The following CELF4 variants were observed in gnomAD, a reference collection of about 807,000 sequenced individuals.
CELF4 encodes CUG-BP- and ETR-3-like factor 4.
A neutral mutation model predicts 59.9 loss-of-function variants in CELF4; 18 were observed. The ratio of observed to expected loss-of-function variants is 0.30; its 90% CI spans 0.21 to 0.45. The LOEUF (loss-of-function observed/expected upper bound fraction) is 0.45, where lower values mean the gene tolerates loss of function less well. CELF4 is among the 20% of genes least tolerant of loss of function. The pLI is 1.00. For synonymous variants in CELF4, 261 were observed against 267.1 expected (o/e 0.98, Z 0.22); for missense variants, 456 against 689.0 (o/e 0.66, Z 3.79).
In CELF4 at chr18:37,336,695, C is replaced by T. The variant is rs115013082; in HGVS notation, c.370-14814G>A. On this transcript the variant is annotated intron_variant, in intron 2 of 12. Coordinates refer to ENST00000420428, the MANE Select transcript of CELF4 (RefSeq NM_020180.4). The stretch of plus-strand genomic sequence containing the variant: ...AGGGATGGGATGTGGCCTCCTGAGG[C>T]GGCCACCAGCAGATCATCTCCTTAA... Among the ~76,000 whole-genome samples, 1,127 of 152,238 alleles carry T rather than the reference C, an allele frequency of 7.4e-3. 7 individuals carry two copies. The highest frequency in any genetic ancestry group is 0.011 in the African/African-American group (445 of 41,546).
chr18:37,478,808 A>G (rs1440768380), intron 2 of CELF4, among the ~76,000 whole-genome samples: 2 of 152,144 alleles, frequency 1.3e-5, no homozygotes, highest in African/African-American at 4.8e-5. Flanking sequence ...TCTCTCTTGG[A>G]ACCTTGGTGT....
At chr18:37,391,947 A>T (rs1040015921) in intron 2 of CELF4, among the ~76,000 whole-genome samples, 2 of 152,186 alleles carry the variant, frequency 1.3e-5, no homozygotes, top group Non-Finnish European at 2.9e-5. Flanking sequence ...GAAAGCCTGG[A>T]TCCAAGGCAC....
At chr18:37,272,452 G>C (rs1315435185) in intron 7 of CELF4, among the ~76,000 whole-genome samples, 1 of 151,484 alleles carries the variant, frequency 6.6e-6, no homozygotes, top group Non-Finnish European at 1.5e-5. Context: ...TCAAAAACAT[G>C]ATTTGTGAGC....
chr18:37,550,455 C>T (rs890566197), intron 1 of CELF4, among the ~76,000 whole-genome samples: 1 of 152,216 alleles, frequency 6.6e-6, no homozygotes, highest in Non-Finnish European at 1.5e-5. Flanking sequence ...GAGCATGAAC[C>T]AAGAAGCCCC....
chr18:37,380,081 G>A (rs371228112), intron 2 of CELF4, among the ~76,000 whole-genome samples: 7 of 152,028 alleles, frequency 4.6e-5, no homozygotes, highest in African/African-American at 7.3e-5. Context: ...CCACTCTCCC[G>A]TCCAGTTGTC....
chr18:37,316,373 G>T (rs1228454662), intron 3 of CELF4, among the ~76,000 whole-genome samples: 2 of 152,128 alleles, frequency 1.3e-5, no homozygotes, highest in Non-Finnish European at 2.9e-5. Context: ...GGGATAACTG[G>T]ATCCCCCATG....
chr18:37,378,085 A>G (rs2098992110), intron 2 of CELF4, among the ~76,000 whole-genome samples: 1 of 152,100 alleles, frequency 6.6e-6, no homozygotes, highest in Non-Finnish European at 1.5e-5. Flanking sequence ...CCTGGTCCTC[A>G]CTGTAAGACA....
intron 1 of CELF4, among the ~76,000 whole-genome samples, chr18:37,526,150 A>C (rs577846146): frequency 6.6e-6 from 1 of 152,322 alleles, no homozygotes; most frequent in African/African-American, 2.4e-5. Context: ...TCACATGGCC[A>C]GATGGTAGCA....
intron 3 of CELF4, among the ~76,000 whole-genome samples, chr18:37,302,004 A>G (rs2096076464): frequency 6.6e-6 from 1 of 152,166 alleles, no homozygotes; most frequent in Non-Finnish European, 1.5e-5. Flanking sequence ...ACTGGGGAAC[A>G]TCGAAAAACT....
intron 2 of CELF4, among the ~76,000 whole-genome samples, chr18:37,416,716 A>G (rs906053250): frequency 2.6e-5 from 4 of 152,262 alleles, no homozygotes; most frequent in African/African-American, 9.6e-5. Flanking sequence ...AAGCTAGGGG[A>G]TGGGAGACTC....
At chr18:37,448,720 T>C (rs2099754996) in intron 2 of CELF4, among the ~76,000 whole-genome samples, 1 of 152,234 alleles carries the variant, frequency 6.6e-6, no homozygotes, top group Non-Finnish European at 1.5e-5. Context: ...TCTGGCAGCC[T>C]CGAGTGCCCC....
rs571294396 is a variant in CELF4, at chr18:37,392,173, A to G, written c.370-70292T>C. On this transcript the variant is annotated intron_variant, in intron 2 of 12. Transcript: ENST00000420428. ...TGGGAGAAAGAAAGGTTTTCCCCCA[A>G]GAACAAGCTAGTTCTGGGGAAGAGC... Among the ~76,000 whole-genome samples, 116 of 152,346 alleles carry G rather than the reference A, an allele frequency of 7.6e-4. 1 individual carries two copies. The highest frequency in any genetic ancestry group is 2.5e-3 in the African/African-American group (105 of 41,576).
Position 37,297,822 on chromosome 18 carries a change from G to A in CELF4, c.449-22579C>T, listed in dbSNP as rs185270468. ...TGTCTGTGCCTGGCTTCTTTCGCTC[G>A]TTGTAATCTCTGTGAGATTCATCGG... On this transcript the variant is annotated intron_variant, in intron 3 of 12. Coordinates refer to ENST00000420428, the MANE Select transcript of CELF4 (RefSeq NM_020180.4). Among the ~76,000 whole-genome samples, 405 of 152,312 alleles carry A rather than the reference G, an allele frequency of 2.7e-3. 4 individuals carry two copies. The highest frequency in any genetic ancestry group is 9.4e-3 in the African/African-American group (392 of 41,574).
chr18:37,392,457 C>T (rs1281178058), intron 2 of CELF4, among the ~76,000 whole-genome samples: 1 of 152,148 alleles, frequency 6.6e-6, no homozygotes, highest in Non-Finnish European at 1.5e-5. Context: ...TGGATCTGAC[C>T]GCTGACCACT....
intron 2 of CELF4, among the ~76,000 whole-genome samples, chr18:37,363,722 G>C (rs996905844): frequency 6.6e-6 from 1 of 152,200 alleles, no homozygotes; most frequent in African/African-American, 2.4e-5. Flanking sequence ...TGGGATGCAG[G>C]CTCTGAGCTT....
Position 37,530,541 on chromosome 18 carries a change from C to T in CELF4, c.286+34815G>A, listed in dbSNP as rs28733089. The stretch of plus-strand genomic sequence containing the variant: ...AATCATCATTGTATTTCCCCACTCC[C>T]CCTACCCCCTGCCACCCCAGCTTCC... On this transcript the variant is annotated intron_variant, in intron 1 of 12. Transcript: ENST00000420428. 5.0e-3 allele frequency among the ~76,000 whole-genome samples: 768 copies of T among 152,244 alleles called. 6 individuals carry two copies. The highest frequency in any genetic ancestry group is 0.018 in the African/African-American group (727 of 41,542).
At chr18:37,513,421 C>T (rs993339822) in intron 1 of CELF4, among the ~76,000 whole-genome samples, 2 of 152,164 alleles carry the variant, frequency 1.3e-5, no homozygotes, top group Non-Finnish European at 2.9e-5. Flanking sequence ...CCTCTGTGTC[C>T]AGCAGGTGTT....
intron 3 of CELF4, among the ~76,000 whole-genome samples, chr18:37,299,186 A>G (rs2095850669): frequency 6.6e-6 from 1 of 152,192 alleles, no homozygotes; most frequent in East Asian, 1.9e-4. Context: ...GGAGGGCACT[A>G]AACAGAGGCA....
At chr18:37,514,601 G>A (rs1433688084) in intron 1 of CELF4, among the ~76,000 whole-genome samples, 2 of 152,098 alleles carry the variant, frequency 1.3e-5, no homozygotes, top group Non-Finnish European at 2.9e-5. Flanking sequence ...TTGAGCTCCC[G>A]GTCCCAAGCC....
Sources: gnomAD v4.1 joint callset for allele counts (sites outside exome capture counted in the v4.1 genomes callset) on GRCh38, gnomAD v4.1.1 for gene constraint, MANE v1.5 for transcripts, NCBI Gene and HGNC (gene_info 2026-07-23, HGNC 2026-07-21) for gene names.